The following SLC39A11 variants were observed in gnomAD, a reference collection of about 807,000 sequenced individuals.
The protein encoded by SLC39A11 is zinc transporter ZIP11.
In SLC39A11, 33 loss-of-function variants were observed where a neutral mutation model predicts 36.1. That is an observed-to-expected ratio of 0.91 (90% CI 0.69 to 1.22). The LOEUF is 1.22. Ranked by LOEUF, SLC39A11 falls within the 50% of genes most tolerant of loss-of-function variation. The probability of loss-of-function intolerance (pLI) is 0.00; values close to 1 mark genes in which losing one functional copy is unlikely to be tolerated. For missense variants in SLC39A11, 432 were observed against 430.3 expected, an observed-to-expected ratio of 1.00 and a Z score of -0.03; for synonymous variants, 166 against 170.3, an observed-to-expected ratio of 0.97 and a Z score of 0.20.
chr17:73,031,851 G>A lies in SLC39A11; in HGVS notation c.148-137C>T, dbSNP rs1207958523. Reference sequence around the variant, plus strand: ...TCAGTCTTTCGTCCCAGGTTGGGAGGTACTATCAGAAACCAAAAAGCCATC... The same window carrying A: ...TCAGTCTTTCGTCCCAGGTTGGGAGATACTATCAGAAACCAAAAAGCCATC... On this transcript the variant is annotated intron_variant, in intron 3 of 9. Transcript: ENST00000255559. The A allele has an allele frequency of 1.2e-5, 11 of 889,394 alleles. No individual in the cohort carries two copies. The Admixed American group carries it at 2.0e-4, about 16-fold the overall frequency. 55.1% of individuals were successfully genotyped at this position (889,394 alleles called of 1,614,324 possible).
At chr17:72,654,032 T>C (rs989774479) in intron 7 of SLC39A11, among the ~76,000 whole-genome samples, 1 of 152,166 alleles carries the variant, frequency 6.6e-6, no homozygotes. Context: ...GTTTAAAATG[T>C]GCGTGTGTGT....
chr17:72,936,938 C>G (rs148206733), intron 5 of SLC39A11, among the ~76,000 whole-genome samples: 4 of 152,300 alleles, frequency 2.6e-5, no homozygotes, highest in African/African-American at 9.6e-5. Context: ...CTCACTTGCT[C>G]ACCACTCACC....
chr17:72,773,102 A>G (rs1402062796), intron 6 of SLC39A11, among the ~76,000 whole-genome samples: 2 of 152,188 alleles, frequency 1.3e-5, no homozygotes, highest in Non-Finnish European at 2.9e-5. Context: ...AGAAAAAAGA[A>G]AGAAAGAAAG....
At chr17:72,684,255 A>G (rs1244173356) in intron 7 of SLC39A11, among the ~76,000 whole-genome samples, 1 of 152,186 alleles carries the variant, frequency 6.6e-6, no homozygotes, top group Non-Finnish European at 1.5e-5. Context: ...GGTCAGCAGC[A>G]CATTTACAGC....
chr17:72,882,153 G>C (rs1224920765), intron 5 of SLC39A11, among the ~76,000 whole-genome samples: 1 of 152,122 alleles, frequency 6.6e-6, no homozygotes, highest in African/African-American at 2.4e-5. Context: ...AAGAGTTCAA[G>C]ACCAGCCTGG....
chr17:72,937,259 G>C (rs1333614222), intron 5 of SLC39A11, among the ~76,000 whole-genome samples: 1 of 152,076 alleles, frequency 6.6e-6, no homozygotes, highest in African/African-American at 2.4e-5. Context: ...TGGCCAACAT[G>C]GTGAAACCAC....
rs1220430381 is a variant in SLC39A11 at position 72,646,977 on chromosome 17, G to A, written c.*607C>T. Reference sequence around the variant, plus strand: ...AAAAAAAAAAAAAAAAGCCAGACTAGCCAATTTCCTTCCCTTTTTCTGTGT... The same window carrying A: ...AAAAAAAAAAAAAAAAGCCAGACTAACCAATTTCCTTCCCTTTTTCTGTGT... On this transcript the variant is annotated 3_prime_UTR_variant, in exon 10 of 10. Coordinates refer to ENST00000255559, the MANE Select transcript of SLC39A11 (RefSeq NM_139177.4). The A allele has an allele frequency of 1.4e-5, 2 of 146,760 alleles. No homozygotes were observed. Among genetic ancestry groups the A allele is most frequent in the African/African-American group, 5.0e-5 (2 of 39,710 alleles). 9.1% of individuals were successfully genotyped at this position (146,760 alleles called of 1,614,324 possible).
chr17:72,983,391 C>CA, intron 4 of SLC39A11, among the ~76,000 whole-genome samples: 1 of 152,204 alleles, frequency 6.6e-6, no homozygotes, highest in Middle Eastern at 3.2e-3. Context: ...TCAAGTGAAC[C>CA]ACCTGCCTCG....
chr17:72,962,346 G>A (rs2086669299), intron 4 of SLC39A11, among the ~76,000 whole-genome samples: 1 of 152,186 alleles, frequency 6.6e-6, no homozygotes, highest in Non-Finnish European at 1.5e-5. Flanking sequence ...GAGTCCCACA[G>A]GCTGAAATGA....
At chr17:72,656,640 G>C (rs1263427589) in intron 7 of SLC39A11, among the ~76,000 whole-genome samples, 1 of 152,086 alleles carries the variant, frequency 6.6e-6, no homozygotes, top group African/African-American at 2.4e-5. Flanking sequence ...CCTCTCCCGG[G>C]GAGGTCTGTC....
intron 6 of SLC39A11, among the ~76,000 whole-genome samples, chr17:72,784,482 G>GGCCTC (rs1185358273): frequency 6.6e-6 from 1 of 152,080 alleles, no homozygotes; most frequent in Non-Finnish European, 1.5e-5. Flanking sequence ...CATTTTCTAG[G>GGCCTC]GCCTCAAACT....
intron 6 of SLC39A11, among the ~76,000 whole-genome samples, chr17:72,751,880 G>C (rs146390562): frequency 4.8e-4 from 73 of 152,050 alleles, no homozygotes; most frequent in African/African-American, 1.7e-3. Flanking sequence ...CCCGGCTCCA[G>C]AGCTCTTTTT....
chr17:72,689,634 A>G (rs1483869900), intron 7 of SLC39A11, among the ~76,000 whole-genome samples: 1 of 152,224 alleles, frequency 6.6e-6, no homozygotes, highest in Non-Finnish European at 1.5e-5. Context: ...GTGCTGATCT[A>G]TGCCACAATG....
At chr17:72,838,048 C>A in intron 6 of SLC39A11, 1 of 1,178,136 alleles carries the variant, frequency 8.5e-7, no homozygotes, top group Non-Finnish European at 1.1e-6. Context: ...CTATGGGAGG[C>A]TGAAGCAGGA....
chr17:72,850,675 A>G (rs1000701938), intron 5 of SLC39A11, among the ~76,000 whole-genome samples: 2 of 152,036 alleles, frequency 1.3e-5, no homozygotes, highest in African/African-American at 4.8e-5. Flanking sequence ...AAGTTGTTTC[A>G]CCTCTCTGTG....
At chr17:72,665,228 C>T (rs1168539567) in intron 7 of SLC39A11, among the ~76,000 whole-genome samples, 1 of 152,064 alleles carries the variant, frequency 6.6e-6, no homozygotes, top group Non-Finnish European at 1.5e-5. Flanking sequence ...CCTTCAGCCC[C>T]AGTCAAGACT....
intron 7 of SLC39A11, among the ~76,000 whole-genome samples, chr17:72,735,164 GAA>G (rs1330026483): frequency 2.0e-5 from 3 of 152,190 alleles, no homozygotes; most frequent in Non-Finnish European, 4.4e-5. Flanking sequence ...TTGAGAATAA[GAA>G]AAGTTTCGCC....
intron 5 of SLC39A11, among the ~76,000 whole-genome samples, chr17:72,855,845 C>T (rs1006590446): frequency 4.6e-5 from 7 of 150,896 alleles, no homozygotes; most frequent in African/African-American, 1.2e-4. Flanking sequence ...TGCAGTGAGC[C>T]AAGATGGCGC....
At chr17:72,749,695 C>T (rs2144290281) in intron 6 of SLC39A11, among the ~76,000 whole-genome samples, 1 of 152,198 alleles carries the variant, frequency 6.6e-6, no homozygotes, top group East Asian at 1.9e-4. Context: ...GCCACCCCAC[C>T]CTAGACAGTG....
Sources: gnomAD v4.1 joint callset for allele counts (sites outside exome capture counted in the v4.1 genomes callset) on GRCh38, gnomAD v4.1.1 for gene constraint, MANE v1.5 for transcripts, NCBI Gene and HGNC (gene_info 2026-07-23, HGNC 2026-07-21) for gene names.